LYRM4: variants seen among roughly 807,000 people sequenced by gnomAD.
LYRM4 encodes LYR motif-containing protein 4.
A neutral mutation model predicts 11.7 loss-of-function variants in LYRM4; 9 were observed. That is an observed-to-expected ratio of 0.77 (90% CI 0.46 to 1.34). The LOEUF (loss-of-function observed/expected upper bound fraction) is 1.34. LYRM4 is among the 40% of genes most tolerant of loss of function. The probability of loss-of-function intolerance (pLI) is 0.00; values close to 1 mark genes in which losing one functional copy is unlikely to be tolerated. For synonymous variants in LYRM4, 42 were observed against 40.4 expected, an observed-to-expected ratio of 1.04 and a Z score of -0.15; for missense variants, 133 against 112.5, an observed-to-expected ratio of 1.18 and a Z score of -0.82.
chr6:5,143,747 G>C (rs943737716), intron 2 of LYRM4, among the ~76,000 whole-genome samples: 2 of 151,948 alleles, frequency 1.3e-5, no homozygotes, highest in African/African-American at 4.8e-5. Flanking sequence ...GAGTGCCAAA[G>C]GCTGCGGGAA....
chr6:5,152,569 C>T (rs1316503364), intron 2 of LYRM4, among the ~76,000 whole-genome samples: 1 of 152,168 alleles, frequency 6.6e-6, no homozygotes, highest in East Asian at 1.9e-4. Flanking sequence ...GTGAGGCAGC[C>T]CCAGCTGCGT....
At chr6:5,179,253 C>T (rs1046290849) in intron 2 of LYRM4, among the ~76,000 whole-genome samples, 3 of 152,028 alleles carry the variant, frequency 2.0e-5, no homozygotes, top group Non-Finnish European at 2.9e-5. Context: ...TTTAATTATT[C>T]GTAGCAAAAT....
chr6:5,228,283 T>C (rs534421633), intron 1 of LYRM4, among the ~76,000 whole-genome samples: 2 of 152,176 alleles, frequency 1.3e-5, no homozygotes, highest in African/African-American at 4.8e-5. Flanking sequence ...AGAAAGTCTT[T>C]CTTTTTTTTT....
At chr6:5,137,324 A>G (rs1247763384) in intron 2 of LYRM4, among the ~76,000 whole-genome samples, 2 of 152,164 alleles carry the variant, frequency 1.3e-5, no homozygotes, top group African/African-American at 2.4e-5. Context: ...CTTTGTGTGG[A>G]CACGTTTTCA....
the LYRM4 span, among the ~76,000 whole-genome samples, chr6:5,045,872 G>A: frequency 6.6e-6 from 1 of 152,322 alleles, no homozygotes; most frequent in Non-Finnish European, 1.5e-5. Flanking sequence ...TACCCAGAAC[G>A]GACTTACCTC....
chr6:5,142,208 C>T (rs1015014342), intron 2 of LYRM4, among the ~76,000 whole-genome samples: 7 of 152,104 alleles, frequency 4.6e-5, no homozygotes, highest in Admixed American at 2.0e-4. Flanking sequence ...GAGGCTATGC[C>T]GTAGAGAAAA....
At chr6:5,177,596 G>GA (rs1331160844) in intron 2 of LYRM4, among the ~76,000 whole-genome samples, 6 of 152,196 alleles carry the variant, frequency 3.9e-5, no homozygotes, top group African/African-American at 1.2e-4. Flanking sequence ...CTGGCTTGAG[G>GA]AATCTTTCAT....
In LYRM4 at chr6:5,169,519, AT is replaced by A. The variant is rs1759293539; in HGVS notation, c.207+47098del. ...TATACAAGGCAAAAATGCAGTGAGC[AT>A]GGGTTCTAAGGTTACAAATAAATTC... On this transcript the variant is annotated intron_variant, in intron 2 of 2. Coordinates refer to ENST00000330636, the MANE Select transcript of LYRM4 (RefSeq NM_020408.6). Among the ~76,000 whole-genome samples the A allele has an allele frequency of 2.0e-5, 3 of 152,364 alleles. No individual in the cohort carries two copies. The South Asian group carries it at 6.2e-4, about 32-fold the overall frequency.
chr6:5,065,339 T>C, the LYRM4 span, among the ~76,000 whole-genome samples: 3 of 152,092 alleles, frequency 2.0e-5, no homozygotes, highest in Non-Finnish European at 4.4e-5. Flanking sequence ...AATATTTTAA[T>C]TTCTAAAAAA....
chr6:5,114,930 T>C (rs1763052034), intron 2 of LYRM4, among the ~76,000 whole-genome samples: 1 of 152,218 alleles, frequency 6.6e-6, no homozygotes, highest in African/African-American at 2.4e-5. Flanking sequence ...GTCTAGTCTG[T>C]TAAATCACAT....
intron 1 of LYRM4, among the ~76,000 whole-genome samples, chr6:5,244,895 C>A (rs1189455660): frequency 6.6e-6 from 1 of 150,714 alleles, no homozygotes; most frequent in African/African-American, 2.4e-5. Flanking sequence ...AAGCGGATGG[C>A]ATCTGAGGTG....
chr6:5,078,332 G>A, the LYRM4 span, among the ~76,000 whole-genome samples: 34 of 151,882 alleles, frequency 2.2e-4, no homozygotes, highest in African/African-American at 6.8e-4. Context: ...CTGTGCCAGC[G>A]TGCTTCATCT....
At chr6:5,214,377 T>G (rs947798409) in intron 2 of LYRM4, among the ~76,000 whole-genome samples, 4 of 152,066 alleles carry the variant, frequency 2.6e-5, no homozygotes, top group Admixed American at 2.0e-4. Context: ...AGCAAGAAGT[T>G]CAAGGAAATA....
the LYRM4 span, chr6:5,086,081 C>A: frequency 6.8e-7 from 1 of 1,467,988 alleles, no homozygotes; most frequent in Non-Finnish European, 8.9e-7. Flanking sequence ...CGGCTCCGGC[C>A]GCTCTTCCAG....
intron 1 of LYRM4, among the ~76,000 whole-genome samples, chr6:5,236,096 A>G (rs919410552): frequency 2.0e-5 from 3 of 152,202 alleles, no homozygotes; most frequent in East Asian, 3.8e-4. Flanking sequence ...CCGTAGGTGG[A>G]TATTGAGGTT....
At chr6:5,159,286 T>C (rs548726845) in intron 2 of LYRM4, among the ~76,000 whole-genome samples, 1 of 152,120 alleles carries the variant, frequency 6.6e-6, no homozygotes, top group Non-Finnish European at 1.5e-5. Context: ...GGCCAGATTA[T>C]GCAATGCTGG....
intron 2 of LYRM4, among the ~76,000 whole-genome samples, chr6:5,129,146 T>C (rs1763827845): frequency 6.6e-6 from 1 of 152,206 alleles, no homozygotes; most frequent in African/African-American, 2.4e-5. Flanking sequence ...GGACTGCGTC[T>C]ACCTGCTCCC....
intron 2 of LYRM4, chr6:5,186,649 CA>C: frequency 1.0e-6 from 1 of 984,878 alleles, no homozygotes; most frequent in East Asian, 1.1e-4. Context: ...CAGCATGACA[CA>C]AAATTCAAAG....
the LYRM4 span, among the ~76,000 whole-genome samples, chr6:5,047,717 C>T: frequency 2.6e-5 from 4 of 152,124 alleles, no homozygotes; most frequent in Non-Finnish European, 4.4e-5. Flanking sequence ...ATTCAAAAAA[C>T]CAACAATTTG....
Sources: gnomAD v4.1 joint callset for allele counts (sites outside exome capture counted in the v4.1 genomes callset) on GRCh38, gnomAD v4.1.1 for gene constraint, MANE v1.5 for transcripts, NCBI Gene and HGNC (gene_info 2026-07-23, HGNC 2026-07-21) for gene names.